The following FHIT variants were observed in gnomAD, a reference collection of about 807,000 sequenced individuals.
The protein encoded by FHIT is fragile histidine triad diadenosine triphosphatase, also known as bis(5'-adenosyl)-triphosphatase.
A neutral mutation model predicts 17.9 loss-of-function variants in FHIT; 19 were observed. The ratio of observed to expected loss-of-function variants is 1.06; its 90% CI spans 0.74 to 1.56. FHIT has a LOEUF of 1.56. FHIT is among the 40% of genes most tolerant of loss of function. FHIT has a pLI of 0.00. For synonymous variants in FHIT, 81 were observed against 69.7 expected (o/e 1.16, Z -0.81); for missense variants, 248 against 189.2 (o/e 1.31, Z -1.82).
At chr3:60,923,408 A>G (rs1345595117) in intron 3 of FHIT, among the ~76,000 whole-genome samples, 1 of 152,204 alleles carries the variant, frequency 6.6e-6, no homozygotes. Flanking sequence ...TCACAGGGCT[A>G]CTGTGAGGAT....
intron 5 of FHIT, among the ~76,000 whole-genome samples, chr3:60,493,762 G>A (rs2034168884): frequency 6.6e-6 from 1 of 152,134 alleles, no homozygotes; most frequent in Admixed American, 6.5e-5. Context: ...ATACGACTGT[G>A]TCTAAAATTC....
intron 4 of FHIT, among the ~76,000 whole-genome samples, chr3:60,623,273 G>T (rs1383403119): frequency 2.6e-5 from 4 of 152,146 alleles, no homozygotes; most frequent in African/African-American, 9.7e-5. Context: ...GCAAGCACAA[G>T]ATCTTGCAGC....
intron 5 of FHIT, among the ~76,000 whole-genome samples, chr3:60,482,401 A>G (rs928935993): frequency 3.9e-5 from 6 of 152,146 alleles, no homozygotes; most frequent in Non-Finnish European, 5.9e-5. Flanking sequence ...TCCACGTGGC[A>G]TTATTCTAAA....
At chr3:60,091,737 G>C (rs1703742183) in intron 5 of FHIT, among the ~76,000 whole-genome samples, 1 of 152,074 alleles carries the variant, frequency 6.6e-6, no homozygotes, top group Non-Finnish European at 1.5e-5. Context: ...CTGTTTAAAA[G>C]TGTGCGGCAC....
chr3:60,348,729 A>C (rs1194992858), intron 5 of FHIT, among the ~76,000 whole-genome samples: 1 of 152,214 alleles, frequency 6.6e-6, no homozygotes, highest in Non-Finnish European at 1.5e-5. Context: ...TGGCTTAGCC[A>C]TGTAACTTGA....
intron 3 of FHIT, among the ~76,000 whole-genome samples, chr3:60,894,050 A>G (rs1450937798): frequency 6.6e-6 from 1 of 152,204 alleles, no homozygotes; most frequent in African/African-American, 2.4e-5. Context: ...AGGTTCTGAC[A>G]ACCTCTAAAT....
intron 8 of FHIT, among the ~76,000 whole-genome samples, chr3:59,898,967 G>A (rs1704199767): frequency 6.6e-6 from 1 of 152,136 alleles, no homozygotes; most frequent in Admixed American, 6.5e-5. Flanking sequence ...AGGATAGTGA[G>A]ATGCTAAGGG....
intron 5 of FHIT, among the ~76,000 whole-genome samples, chr3:60,298,526 G>A (rs1708309603): frequency 6.6e-6 from 1 of 152,166 alleles, no homozygotes; most frequent in African/African-American, 2.4e-5. Flanking sequence ...AATAGTAGCG[G>A]TGAGAGTCAC....
intron 4 of FHIT, among the ~76,000 whole-genome samples, chr3:60,722,970 C>T (rs1553708492): frequency 6.6e-6 from 1 of 152,076 alleles, no homozygotes; most frequent in Non-Finnish European, 1.5e-5. Flanking sequence ...ATTTGCCCGC[C>T]TCGGCCTCCC....
At chr3:61,180,604 T>G (rs1353020531) in intron 2 of FHIT, among the ~76,000 whole-genome samples, 23 of 152,236 alleles carry the variant, frequency 1.5e-4, no homozygotes, top group Admixed American at 1.5e-3. Context: ...TTTGCATGTC[T>G]TCCAAGACTA....
intron 5 of FHIT, among the ~76,000 whole-genome samples, chr3:60,100,095 T>G (rs1704128355): frequency 6.6e-6 from 1 of 152,126 alleles, no homozygotes. Flanking sequence ...AACTGGACAG[T>G]CTGTTCTCAC....
intron 5 of FHIT, among the ~76,000 whole-genome samples, chr3:60,093,760 T>G (rs1434958750): frequency 6.6e-6 from 1 of 152,210 alleles, no homozygotes; most frequent in East Asian, 1.9e-4. Context: ...ATTTAATGCC[T>G]AATGATATAG....
chr3:61,237,693 G>A (rs542752668), intron 1 of FHIT, among the ~76,000 whole-genome samples: 12 of 152,342 alleles, frequency 7.9e-5, no homozygotes, highest in African/African-American at 2.2e-4. Flanking sequence ...CAGGCACTGT[G>A]TAGAACATAA....
At chr3:59,857,047 C>T (rs1702187667) in intron 8 of FHIT, among the ~76,000 whole-genome samples, 1 of 152,150 alleles carries the variant, frequency 6.6e-6, no homozygotes, top group Non-Finnish European at 1.5e-5. Flanking sequence ...ATACTGATGC[C>T]TGGGGTCCTT....
At chr3:60,144,125 G>C (rs937707141) in intron 5 of FHIT, among the ~76,000 whole-genome samples, 4 of 152,192 alleles carry the variant, frequency 2.6e-5, no homozygotes, top group Admixed American at 6.6e-5. Context: ...CACAGGATTT[G>C]TGTTGATTTG....
chr3:60,706,904 T>TA (rs2041387383), intron 4 of FHIT, among the ~76,000 whole-genome samples: 1 of 152,208 alleles, frequency 6.6e-6, no homozygotes, highest in South Asian at 2.1e-4. Context: ...TTGTGGCACT[T>TA]ACATCTTTTC....
rs1245325815 is a variant in FHIT at position 60,269,738 on chromosome 3, TCA to T, written c.104-255588_104-255587del. On this transcript the variant is annotated intron_variant, in intron 5 of 9. Transcript: ENST00000492590. ...CACAGGGTCATTTTCTTCAAGAAGC[TCA>T]CAGTCTAGTGAAGCAGATAGAAATG... 3.3e-5 allele frequency among the ~76,000 whole-genome samples: 5 copies of T among 152,286 alleles called. 1 individual carries two copies. The highest frequency in any genetic ancestry group is 7.2e-5 in the African/African-American group (3 of 41,556).
chr3:60,548,672 G>C (rs2036449607), intron 4 of FHIT, among the ~76,000 whole-genome samples: 1 of 152,182 alleles, frequency 6.6e-6, no homozygotes, highest in Non-Finnish European at 1.5e-5. Context: ...AGAGTTGTAA[G>C]AAATGTAGAT....
At chr3:60,574,138 C>T (rs2037484023) in intron 4 of FHIT, among the ~76,000 whole-genome samples, 1 of 152,058 alleles carries the variant, frequency 6.6e-6, no homozygotes, top group South Asian at 2.1e-4. Flanking sequence ...CTATTGTGTT[C>T]TACTTTCCGA....
Sources: gnomAD v4.1 joint callset for allele counts (sites outside exome capture counted in the v4.1 genomes callset) on GRCh38, gnomAD v4.1.1 for gene constraint, MANE v1.5 for transcripts, NCBI Gene and HGNC (gene_info 2026-07-23, HGNC 2026-07-21) for gene names.